Variants in SGCD observed in about 807,000 individuals in gnomAD.
SGCD encodes the protein sarcoglycan delta, also known as delta-sarcoglycan.
Under a neutral mutation model 36.6 loss-of-function variants are expected in SGCD, and 18 were observed. The observed-to-expected ratio is 0.49, with a 90% CI of 0.34 to 0.73. The LOEUF (loss-of-function observed/expected upper bound fraction) is 0.73, where lower values mean the gene tolerates loss of function less well. Ranked by LOEUF, SGCD falls within the 30% of genes least tolerant of loss-of-function variation. SGCD has a pLI of 0.01. For missense variants in SGCD, 387 were observed against 346.7 expected (o/e 1.12, Z -0.92); for synonymous variants, 133 against 130.6 (o/e 1.02, Z -0.12).
At chr5:156,210,192 A>C (rs927282877) in intron 3 of SGCD, among the ~76,000 whole-genome samples, 7 of 151,932 alleles carry the variant, frequency 4.6e-5, no homozygotes, top group African/African-American at 1.4e-4. Context: ...GACCCAGGCA[A>C]TAGGCACCCA....
At chr5:155,961,705 C>T (rs975446393) in intron 1 of SGCD, among the ~76,000 whole-genome samples, 3 of 152,030 alleles carry the variant, frequency 2.0e-5, no homozygotes, top group African/African-American at 7.2e-5. Flanking sequence ...ATTTATGAAA[C>T]CAAATGTGAA....
chr5:156,166,373 G>A (rs550470174), intron 3 of SGCD, among the ~76,000 whole-genome samples: 1 of 152,238 alleles, frequency 6.6e-6, no homozygotes, highest in East Asian at 1.9e-4. Flanking sequence ...CTGGAGCGCA[G>A]TAGCACAATC....
chr5:156,221,198 A>C (rs1048064998), intron 3 of SGCD, among the ~76,000 whole-genome samples: 2 of 152,092 alleles, frequency 1.3e-5, no homozygotes, highest in Non-Finnish European at 2.9e-5. Flanking sequence ...AGTTCTGGAG[A>C]CTGGGAAGTC....
chr5:156,216,021 A>C (rs1735213852), intron 3 of SGCD, among the ~76,000 whole-genome samples: 1 of 152,206 alleles, frequency 6.6e-6, no homozygotes, highest in African/African-American at 2.4e-5. Flanking sequence ...AAATCCTGTC[A>C]TTTATAACAA....
intron 4 of SGCD, among the ~76,000 whole-genome samples, chr5:156,511,408 C>G (rs551331954): frequency 6.6e-6 from 1 of 152,318 alleles, no homozygotes; most frequent in South Asian, 2.1e-4. Flanking sequence ...TGCTGCCTTA[C>G]CCTTTTAGCT....
chr5:156,141,385 A>G (rs980370548), intron 3 of SGCD, among the ~76,000 whole-genome samples: 2 of 152,238 alleles, frequency 1.3e-5, no homozygotes, highest in Non-Finnish European at 2.9e-5. Flanking sequence ...GATTTCCCAG[A>G]CTGCGAGAGC....
rs192820806 is a variant in SGCD at position 156,050,057 on chromosome 5, T to C, written c.-281-67821T>C. On this transcript the variant is annotated intron_variant, in intron 1 of 9. Transcript: ENST00000517913. ...GGCAACAAAGGATTTGAATATTACA[T>C]AAATTTAATTGATAAAGCAGCAGCA... is the stretch of plus-strand genomic sequence containing the variant. Among the ~76,000 whole-genome samples, 60 of 147,216 alleles carry C rather than the reference T, an allele frequency of 4.1e-4. 6 individuals are homozygous for C. The highest frequency in any genetic ancestry group is 7.2e-3 in the Middle Eastern group (2 of 278).
At chr5:156,160,752 G>A (rs537590024) in intron 3 of SGCD, among the ~76,000 whole-genome samples, 6 of 151,562 alleles carry the variant, frequency 4.0e-5, no homozygotes, top group South Asian at 2.1e-4. Context: ...CCATCATCAC[G>A]TAATAGTAGC....
chr5:156,650,375 C>T lies in SGCD; in HGVS notation c.575+2839C>T, dbSNP rs866022876. On this transcript the variant is annotated intron_variant, in intron 7 of 8. Transcript: ENST00000337851. The stretch of plus-strand genomic sequence containing the variant: ...TTCATTTTAGATTCAGGGATACACA[C>T]GCAGGTTTGTTACATGAGTATGTTG... Among the ~76,000 whole-genome samples the T allele has an allele frequency of 3.9e-5, 6 of 152,128 alleles. No homozygotes were observed. In the South Asian group the frequency reaches 1.0e-3, roughly 26 times the overall value.
intron 6 of SGCD, among the ~76,000 whole-genome samples, chr5:156,626,620 A>G (rs1325583206): frequency 1.3e-5 from 2 of 152,180 alleles, no homozygotes; most frequent in Non-Finnish European, 2.9e-5. Context: ...TTTGCCTTTC[A>G]TATAGGATGG....
intron 3 of SGCD, among the ~76,000 whole-genome samples, chr5:156,452,383 C>T (rs1340195933): frequency 6.6e-6 from 1 of 152,198 alleles, no homozygotes; most frequent in Non-Finnish European, 1.5e-5. Flanking sequence ...GCATTTCTCT[C>T]TGACCACATT....
the SGCD span, among the ~76,000 whole-genome samples, chr5:155,762,025 A>G: frequency 1.3e-5 from 2 of 152,240 alleles, no homozygotes; most frequent in African/African-American, 4.8e-5. Context: ...ATACACTTGA[A>G]TCTCAAGAAA....
chr5:156,612,611 G>A (rs1761867465), intron 6 of SGCD, among the ~76,000 whole-genome samples: 1 of 152,342 alleles, frequency 6.6e-6, no homozygotes, highest in East Asian at 1.9e-4. Context: ...AAGGGTGTTG[G>A]ATGGATTTTA....
At chr5:155,915,332 C>A (rs1756714024) in intron 1 of SGCD, among the ~76,000 whole-genome samples, 1 of 152,130 alleles carries the variant, frequency 6.6e-6, no homozygotes, top group African/African-American at 2.4e-5. Context: ...CCCAAGAACT[C>A]ATTTTCCTCC....
the SGCD span, among the ~76,000 whole-genome samples, chr5:155,744,278 G>A: frequency 8.4e-3 from 1,277 of 152,072 alleles, 15 homozygotes; most frequent in African/African-American, 0.028. Context: ...TGGCTAACAC[G>A]GTGAAACCTC....
intron 3 of SGCD, among the ~76,000 whole-genome samples, chr5:156,158,902 C>T (rs1167213039): frequency 1.3e-5 from 2 of 151,308 alleles, no homozygotes; most frequent in Non-Finnish European, 2.9e-5. Flanking sequence ...ACTATAAAAG[C>T]TGTCATTTAA....
intron 3 of SGCD, among the ~76,000 whole-genome samples, chr5:156,282,743 T>C (rs1186531342): frequency 6.6e-6 from 1 of 152,190 alleles, no homozygotes; most frequent in Non-Finnish European, 1.5e-5. Flanking sequence ...TGAATTTCCT[T>C]CTATTAGGTT....
Position 156,700,959 on chromosome 5 carries a change from AGAG to A in SGCD, c.575+53424_575+53426del, listed in dbSNP as rs1464218950. 9.6e-4 allele frequency among the ~76,000 whole-genome samples: 115 copies of A among 119,618 alleles called. No homozygotes were observed. The South Asian group carries it at 0.016, about 16-fold the overall frequency. 78.5% of individuals were successfully genotyped at this position (119,618 alleles called of 152,430 possible). A position where few individuals can be genotyped will look rare whatever the true frequency, so the allele number is the denominator to read the frequency against. On this transcript the variant is annotated intron_variant, in intron 7 of 8. Coordinates refer to ENST00000337851, the MANE Select transcript of SGCD (RefSeq NM_000337.6). The stretch of plus-strand genomic sequence containing the variant: ...CCTTGTCTCAAAAAAAAAAAAAAAA[AGAG>A]AGAGAGAGAAAGAAGAAACCTTCCT...
chr5:155,939,915 C>T (rs1182452893), intron 1 of SGCD, among the ~76,000 whole-genome samples: 2 of 151,096 alleles, frequency 1.3e-5, no homozygotes, highest in African/African-American at 2.4e-5. Flanking sequence ...CTCAATGCAA[C>T]CTCCTCCTCC....
Sources: gnomAD v4.1 joint callset for allele counts (sites outside exome capture counted in the v4.1 genomes callset) on GRCh38, gnomAD v4.1.1 for gene constraint, MANE v1.5 for transcripts, NCBI Gene and HGNC (gene_info 2026-07-23, HGNC 2026-07-21) for gene names.